ZNF3: variants seen among roughly 807,000 people sequenced by gnomAD.
ZNF3 encodes the protein zinc finger protein 3.
ZNF3 carries 16 observed loss-of-function variants against 36.9 expected under a neutral mutation model. The observed-to-expected ratio is 0.43, with a 90% CI of 0.29 to 0.66. ZNF3 has a LOEUF of 0.66. Ranked by LOEUF, ZNF3 falls within the 30% of genes least tolerant of loss-of-function variation. The pLI, the probability that ZNF3 is intolerant of heterozygous loss-of-function variation, is 0.13. For missense variants in ZNF3, 462 were observed against 543.1 expected (o/e 0.85, Z 1.48); for synonymous variants, 201 against 201.9 (o/e 1.00, Z 0.04).
In ZNF3 at chr7:100,070,308, G is replaced by A; in HGVS notation, c.*835C>T. 2.0e-6 allele frequency: 2 copies of A among 985,620 alleles called. No individual in the cohort carries two copies. Among genetic ancestry groups the A allele is most frequent in the Non-Finnish European group, 2.4e-6 (2 of 830,084 alleles). The allele number at this position is 985,620 out of a possible 1,614,324, so 61.1% of individuals were successfully genotyped here. A position where few individuals can be genotyped will look rare whatever the true frequency, so the allele number is the denominator to read the frequency against. ...AGGGCAGGGCAAGCAGGCCAAGTGA[G>A]CTCCTTGAAAGCATCCTTACCCAGG... On this transcript the variant is annotated 3_prime_UTR_variant, in exon 6 of 6. Transcript: ENST00000299667.
chr7:100,064,931 T>C (rs373893832), intron 5 of ZNF3: 1 of 1,610,404 alleles, frequency 6.2e-7, no homozygotes, highest in African/African-American at 1.3e-5. Flanking sequence ...GGAAGAAACA[T>C]TAAGATTGTT....
At chr7:100,079,497 G>A (rs1306442291) in intron 2 of ZNF3, 39 bp downstream of exon 2, 1 of 152,214 alleles carries the variant, frequency 6.6e-6, no homozygotes, top group Non-Finnish European at 1.5e-5. Flanking sequence ...GACCGAGATA[G>A]ATGGCCTGGC....
In ZNF3 at chr7:100,077,379, G is replaced by A; in HGVS notation, c.-22C>T. The A allele has an allele frequency of 6.2e-7, 1 of 1,613,552 alleles. No homozygotes were observed. ...CCATGGAAGGGCAAGGTGCTCTCTG[G>A]TCTCCTGGGTGCAGACTCAGCGGGA... On this transcript the variant is annotated 5_prime_UTR_variant, in exon 3 of 6. Transcript: ENST00000299667.
At chr7:100,081,928 G>A (rs1795052291), upstream of ZNF3, among the ~76,000 whole-genome samples, 1 of 152,162 alleles carries the variant, frequency 6.6e-6, no homozygotes, top group Admixed American at 6.5e-5. This position sits in a 1 kb window ranked among gnomAD's most constrained non-coding sequence, Gnocchi z 4.3. Flanking sequence ...TGCGGGGGCT[G>A]GCCGGCTGCG....
chr7:100,077,477 C>A (rs1794308234), intron 2 of ZNF3, 44 bp from the exon 3 acceptor site: 11 of 1,550,698 alleles, frequency 7.1e-6, no homozygotes, highest in Admixed American at 2.0e-5. Context: ...TTCAAAAAAA[C>A]CTCCTGAATA....
chr7:100,073,237 G>C (rs1793503123), intron 5 of ZNF3, among the ~76,000 whole-genome samples: 1 of 152,194 alleles, frequency 6.6e-6, no homozygotes, highest in Non-Finnish European at 1.5e-5. Context: ...GGTCTCAAAT[G>C]AGAGTTAGGA....
At chr7:100,077,161 G>T in intron 3 of ZNF3, 142 bp downstream of exon 3, 2 of 934,080 alleles carry the variant, frequency 2.1e-6, no homozygotes, top group Non-Finnish European at 3.4e-6. Flanking sequence ...TCCCCACTAG[G>T]CTGTGAGTTA....
downstream of ZNF3, among the ~76,000 whole-genome samples, chr7:100,067,057 T>A (rs1233420637): frequency 2.0e-5 from 3 of 151,856 alleles, no homozygotes; most frequent in Admixed American, 6.6e-5. Flanking sequence ...TCACCCTAGT[T>A]GCCACTCTGG....
downstream of ZNF3, among the ~76,000 whole-genome samples, chr7:100,066,607 G>C (rs902401884): frequency 2.6e-5 from 4 of 151,848 alleles, no homozygotes; most frequent in Non-Finnish European, 5.9e-5. Flanking sequence ...CGTGGTGGCG[G>C]GCACCTGTAG....
Position 100,071,696 on chromosome 7 carries a change from T to C in ZNF3, c.788A>G (p.Lys263Arg), listed in dbSNP as rs887978475. ...EKPYECSDCGKTFSCSSALIL... is the reference protein window; with the variant it reads ...EKPYECSDCGRTFSCSSALIL... Reference sequence around the variant, plus strand: ...GAGGGCAGAGCTACAGCTGAAGGTTTTCCCACAATCACTACATTCATAAGG... The same window carrying C: ...GAGGGCAGAGCTACAGCTGAAGGTTCTCCCACAATCACTACATTCATAAGG... The change falls in exon 6 of 6, where the codon AAA (lysine) becomes AGA (arginine). Residue 263 changes from lysine to arginine, a missense_variant. Lys to Arg is a conservative substitution (Grantham distance 26). Coordinates refer to ENST00000299667, the MANE Select transcript of ZNF3 (RefSeq NM_032924.5). The C allele has an allele frequency of 6.2e-7, 1 of 1,613,712 alleles. No homozygotes were observed. The highest frequency in any genetic ancestry group is 8.5e-7 in the Non-Finnish European group (1 of 1,179,974).
chr7:100,075,350 C>T (rs1323694624), intron 4 of ZNF3, 89 bp from the exon 5 acceptor site: 2 of 1,607,394 alleles, frequency 1.2e-6, no homozygotes, highest in Non-Finnish European at 8.5e-7. Context: ...GTGAAAAATG[C>T]ACATTTGGGA....
downstream of ZNF3, among the ~76,000 whole-genome samples, chr7:100,067,037 C>CAAAAAAAAAAGAAAAAAAAAAAAAAAA (rs922826523): frequency 6.7e-6 from 1 of 150,094 alleles, no homozygotes; most frequent in African/African-American, 2.5e-5. Context: ...GATTCCATCT[C>CAAAAAAAAAAGAAAAAAAAAAAAAAAA]AAAAAAAAAT....
chr7:100,074,102 C>T (rs1229647023), intron 5 of ZNF3, among the ~76,000 whole-genome samples: 2 of 152,076 alleles, frequency 1.3e-5, no homozygotes, highest in Admixed American at 1.3e-4. Context: ...TTGCGGTGAG[C>T]CGAGACCACG....
rs141973828 is a variant in ZNF3 at position 100,064,513 on chromosome 7, G to T, written c.*275C>A. On this transcript the variant is annotated 3_prime_UTR_variant, in exon 6 of 6. Coordinates refer to the ZNF3 transcript ENST00000413658. The stretch of plus-strand genomic sequence containing the variant: ...CAATAAACACCACAGAATCCACACC[G>T]GGGAAAAGCCCTACTGGTGTCATCA... The T allele has an allele frequency of 4.3e-6, 7 of 1,613,958 alleles. No homozygotes were observed. The South Asian group carries it at 7.7e-5, about 18-fold the overall frequency.
upstream of ZNF3, chr7:100,082,529 T>C (rs904484756): frequency 6.6e-6 from 1 of 150,554 alleles, no homozygotes; most frequent in East Asian, 2.0e-4. Flanking sequence ...GAGGTTGCAG[T>C]GAGCCGACAT....
At chr7:100,075,329 CT>C (rs779181336) in intron 4 of ZNF3, 68 bp from the exon 5 acceptor site, 1 of 1,612,688 alleles carries the variant, frequency 6.2e-7, no homozygotes, top group East Asian at 2.2e-5. Context: ...AAAAAAATCA[CT>C]GAGGATGGGG....
In ZNF3 at chr7:100,071,230, G is replaced by A; in HGVS notation, c.1254C>T (p.His418=). The stretch of plus-strand genomic sequence containing the variant: ...TCCCATTCAAAGGCTTCTCTCCAGT[G>A]TGAATTCTCTGATGGCGAACAAGAG... ...SSALVRHQRI[H]TGEKPLNGIG... The change falls in exon 6 of 6, where the codon CAC becomes CAT. Residue 418 remains histidine, a synonymous_variant. Coordinates refer to ENST00000299667, the MANE Select transcript of ZNF3 (RefSeq NM_032924.5). The A allele has an allele frequency of 6.2e-7, 1 of 1,614,226 alleles. No homozygotes were observed. The highest frequency in any genetic ancestry group is 8.5e-7 in the Non-Finnish European group (1 of 1,180,040).
At chr7:100,075,728 GACAACAC>G in intron 3 of ZNF3, 98 bp from the exon 4 acceptor site, 1 of 1,067,234 alleles carries the variant, frequency 9.4e-7, no homozygotes, top group Non-Finnish European at 1.4e-6. Context: ...GGGGTCCTGG[GACAACAC>G]AGGACCCTCT....
chr7:100,077,474 A>T (rs1230119818), intron 2 of ZNF3, 41 bp from the exon 3 acceptor site: 2 of 1,556,396 alleles, frequency 1.3e-6, no homozygotes, highest in Non-Finnish European at 1.7e-6. Context: ...TAATTCAAAA[A>T]AACCTCCTGA....
Sources: gnomAD v4.1 joint callset for allele counts (sites outside exome capture counted in the v4.1 genomes callset) on GRCh38, gnomAD v4.1.1 for gene constraint, Gnocchi (gnomAD v3.1) non-coding constraint, MANE v1.5 for transcripts, NCBI Gene and HGNC (gene_info 2026-07-23, HGNC 2026-07-21) for gene names.